FOXP1: variants seen among roughly 807,000 people sequenced by gnomAD.
The protein encoded by FOXP1 is forkhead box P1.
Under a neutral mutation model 98.2 loss-of-function variants are expected in FOXP1, and 15 were observed. That is an observed-to-expected ratio of 0.15 (90% confidence interval 0.10 to 0.24). FOXP1 has a LOEUF of 0.24. Ranked by LOEUF, FOXP1 falls within the 10% of genes least tolerant of loss-of-function variation. The pLI, the probability that FOXP1 is intolerant of heterozygous loss-of-function variation, is 1.00. For missense variants in FOXP1, 633 were observed against 848.5 expected (o/e 0.75, Z 3.15); for synonymous variants, 371 against 314.5 (o/e 1.18, Z -1.90).
At chr3:71,440,448 C>A (rs578034932) in intron 3 of FOXP1, among the ~76,000 whole-genome samples, 2 of 151,808 alleles carry the variant, frequency 1.3e-5, no homozygotes, top group African/African-American at 4.8e-5. Flanking sequence ...GAAGCTGAGG[C>A]GGGCAGATCA....
chr3:71,481,259 G>A (rs756888734), intron 3 of FOXP1, among the ~76,000 whole-genome samples: 14 of 152,116 alleles, frequency 9.2e-5, no homozygotes, highest in Non-Finnish European at 1.8e-4. Context: ...GATCACCTAT[G>A]AGTTAGGTAC....
chr3:71,177,169 C>T (rs902821406), intron 6 of FOXP1, among the ~76,000 whole-genome samples: 5 of 152,270 alleles, frequency 3.3e-5, no homozygotes, highest in African/African-American at 1.2e-4. Context: ...CGGTGCCAGG[C>T]TTGGGTGTTC....
chr3:71,270,014 T>C (rs1020850391), intron 5 of FOXP1, among the ~76,000 whole-genome samples: 4 of 152,226 alleles, frequency 2.6e-5, no homozygotes, highest in African/African-American at 9.6e-5. Context: ...AGTTTCCGAG[T>C]GCTGGAGTGG....
At chr3:71,405,576 A>G (rs1314238319) in intron 3 of FOXP1, among the ~76,000 whole-genome samples, 1 of 152,102 alleles carries the variant, frequency 6.6e-6, no homozygotes, top group Non-Finnish European at 1.5e-5. Flanking sequence ...ATCTGATTCC[A>G]CAGATTTAGG....
At chr3:70,983,458 T>C (rs2039223478) in intron 14 of FOXP1, among the ~76,000 whole-genome samples, 1 of 152,186 alleles carries the variant, frequency 6.6e-6, no homozygotes, top group African/African-American at 2.4e-5. Flanking sequence ...GGGGGCACTT[T>C]GTTTTTATAG....
At chr3:70,960,982 A>G (rs2033308775) in intron 20 of FOXP1, among the ~76,000 whole-genome samples, 1 of 150,998 alleles carries the variant, frequency 6.6e-6, no homozygotes, top group Non-Finnish European at 1.5e-5. Context: ...AGCTGGGACT[A>G]TAGGCACCTG....
chr3:70,974,072 G>A (rs1210729002), intron 17 of FOXP1, among the ~76,000 whole-genome samples: 1 of 152,032 alleles, frequency 6.6e-6, no homozygotes, highest in African/African-American at 2.4e-5. Context: ...TGCTTGAAAG[G>A]AGAATTCACA....
chr3:71,443,185 C>T (rs1027090681), intron 3 of FOXP1, among the ~76,000 whole-genome samples: 13 of 152,188 alleles, frequency 8.5e-5, no homozygotes, highest in Admixed American at 3.3e-4. Flanking sequence ...TGAGCCACCA[C>T]GCCCGGCCCT....
At chr3:71,486,422 G>T (rs1031268882) in intron 3 of FOXP1, among the ~76,000 whole-genome samples, 7 of 152,136 alleles carry the variant, frequency 4.6e-5, no homozygotes, top group African/African-American at 2.4e-5. Flanking sequence ...AATATCTGTA[G>T]GGAAAAATCC....
chr3:71,348,608 G>A (rs1006711442), intron 4 of FOXP1, among the ~76,000 whole-genome samples: 13 of 151,754 alleles, frequency 8.6e-5, no homozygotes, highest in African/African-American at 3.1e-4. Flanking sequence ...GTGTGTATGT[G>A]TGTGCACACG....
intron 12 of FOXP1, 60 bp downstream of exon 12, chr3:71,015,489 C>A (rs1269171565): frequency 6.8e-6 from 8 of 1,170,114 alleles, no homozygotes; most frequent in Non-Finnish European, 1.0e-5. Context: ...ATGAGCAAAG[C>A]ATGAACGGTG....
intron 5 of FOXP1, among the ~76,000 whole-genome samples, chr3:71,198,942 C>T (rs1453606649): frequency 1.3e-5 from 2 of 151,986 alleles, no homozygotes; most frequent in South Asian, 2.1e-4. Flanking sequence ...GTGATCCACC[C>T]GCCTCGGCCT....
intron 3 of FOXP1, among the ~76,000 whole-genome samples, chr3:71,430,359 T>C (rs932881139): frequency 6.6e-6 from 1 of 152,082 alleles, no homozygotes; most frequent in African/African-American, 2.4e-5. Context: ...TAGTACAAAA[T>C]ATCAGAAAAA....
At position 71,096,916 on chromosome 3, in the gene FOXP1, G is replaced by A. The variant is rs150345173; in HGVS notation, c.282+15620C>T. Among the ~76,000 whole-genome samples, 673 of 152,110 alleles carry A rather than the reference G, an allele frequency of 4.4e-3. 7 individuals are homozygous for A. The highest frequency in any genetic ancestry group is 0.015 in the African/African-American group (637 of 41,504). ...CACCATTACACCTATCTTAATGCAC[G>A]GATAGATTTCAAACTAACACAATGA... On this transcript the variant is annotated intron_variant, in intron 7 of 20. Transcript: ENST00000649528.
At chr3:71,006,132 TTC>T (rs2042777995) in intron 12 of FOXP1, among the ~76,000 whole-genome samples, 1 of 152,128 alleles carries the variant, frequency 6.6e-6, no homozygotes, top group Non-Finnish European at 1.5e-5. Context: ...TGATGGACAC[TTC>T]TCTGTTTCTC....
chr3:71,066,091 CA>C (rs34279433), intron 7 of FOXP1, among the ~76,000 whole-genome samples: 57,036 of 104,536 alleles, frequency 0.55, 14,098 homozygotes, highest in Middle Eastern at 0.7. Flanking sequence ...TATTTGCCTT[CA>C]AAAAAAAAAA....
intron 5 of FOXP1, among the ~76,000 whole-genome samples, chr3:71,290,253 T>C (rs2072604657): frequency 6.6e-6 from 1 of 152,228 alleles, no homozygotes; most frequent in Non-Finnish European, 1.5e-5. Context: ...ATTTGTCTTC[T>C]GACTCCTCTG....
intron 2 of FOXP1, among the ~76,000 whole-genome samples, chr3:71,557,574 C>G (rs1471474487): frequency 6.6e-6 from 1 of 152,192 alleles, no homozygotes; most frequent in Non-Finnish European, 1.5e-5. Context: ...GAAGGCAGCT[C>G]TGAGGCCTGG....
intron 5 of FOXP1, among the ~76,000 whole-genome samples, chr3:71,206,326 T>G (rs2064031477): frequency 6.6e-6 from 1 of 152,212 alleles, no homozygotes; most frequent in African/African-American, 2.4e-5. Context: ...AAGCCATTAA[T>G]TAAATCTGTT....
Sources: allele counts gnomAD v4.1 joint callset (sites outside exome capture counted in the v4.1 genomes callset), GRCh38; gene constraint gnomAD v4.1.1; transcripts MANE v1.5; gene names NCBI Gene and HGNC (gene_info 2026-07-23, HGNC 2026-07-21).